SMCHD1: variants seen among roughly 807,000 people sequenced by gnomAD.
SMCHD1 encodes the protein structural maintenance of chromosomes flexible hinge domain containing 1, also known as structural maintenance of chromosomes flexible hinge domain-containing protein 1.
In SMCHD1, 78 loss-of-function variants were observed where a neutral mutation model predicts 254.7. The ratio of observed to expected loss-of-function variants is 0.31; its 90% CI spans 0.26 to 0.37. The LOEUF is 0.37. SMCHD1 is among the 10% of genes least tolerant of loss of function. SMCHD1 has a pLI of 1.00. For missense variants in SMCHD1, 1,840 were observed against 2,408.1 expected (o/e 0.76, Z 4.94); for synonymous variants, 766 against 794.9 (o/e 0.96, Z 0.61).
intron 10 of SMCHD1, among the ~76,000 whole-genome samples, chr18:2,699,473 G>T (rs962443065): frequency 7.2e-5 from 11 of 152,084 alleles, no homozygotes; most frequent in Admixed American, 7.2e-4. Flanking sequence ...CTGAGTAACT[G>T]GGACTACAGG....
chr18:2,725,857 T>C (rs984715918), intron 21 of SMCHD1, among the ~76,000 whole-genome samples: 1 of 151,928 alleles, frequency 6.6e-6, no homozygotes, highest in Non-Finnish European at 1.5e-5. Flanking sequence ...GAAATAACTT[T>C]AGAGGAAATT....
At chr18:2,663,236 G>A (rs9948776) in intron 1 of SMCHD1, among the ~76,000 whole-genome samples, 30,810 of 151,634 alleles carry the variant, frequency 0.2, 3,346 homozygotes, top group South Asian at 0.33. Context: ...CTCTTGAGTG[G>A]TTGTGACTAC....
chr18:2,708,657 A>G (rs1209679610), intron 17 of SMCHD1, among the ~76,000 whole-genome samples: 1 of 148,750 alleles, frequency 6.7e-6, no homozygotes, highest in Non-Finnish European at 1.5e-5. Context: ...CTTGTTGCCC[A>G]GGCTGGAATA....
At chr18:2,728,369 CTT>C (rs1355075912) in intron 22 of SMCHD1, 86 bp from the exon 23 acceptor site, 1 of 1,268,982 alleles carries the variant, frequency 7.9e-7, no homozygotes, top group African/African-American at 1.5e-5. Flanking sequence ...AATATTAAGT[CTT>C]TAATGTTAAA....
intron 32 of SMCHD1, 121 bp downstream of exon 32, chr18:2,750,628 G>T (rs2075553700): frequency 1.4e-6 from 1 of 712,268 alleles, no homozygotes; most frequent in East Asian, 3.0e-5. Context: ...GGAAGCAAAT[G>T]ATTTCAATAT....
chr18:2,702,975 T>A (rs542528215), intron 12 of SMCHD1, among the ~76,000 whole-genome samples: 1 of 152,224 alleles, frequency 6.6e-6, no homozygotes, highest in Non-Finnish European at 1.5e-5. Context: ...CACCTTATGC[T>A]TGAATACAGA....
intron 1 of SMCHD1, 73 bp from the exon 2 acceptor site, chr18:2,666,084 A>G: frequency 1.4e-6 from 1 of 700,096 alleles, no homozygotes; most frequent in Non-Finnish European, 2.4e-6. Context: ...CAATATTTTC[A>G]TATTTTTATA....
intron 37 of SMCHD1, among the ~76,000 whole-genome samples, chr18:2,766,364 C>T (rs2075868894): frequency 6.6e-6 from 1 of 152,232 alleles, no homozygotes; most frequent in African/African-American, 2.4e-5. Flanking sequence ...TCCTGAGATT[C>T]AGACAAGAGA....
At chr18:2,728,699 A>G (rs1190593211) in intron 23 of SMCHD1, 103 bp downstream of exon 23, 21 of 1,222,306 alleles carry the variant, frequency 1.7e-5, no homozygotes, top group Admixed American at 2.8e-5. Context: ...TAAGTCTGAA[A>G]CGATTATTCC....
chr18:2,696,234 A>T (rs2074282470), intron 8 of SMCHD1, among the ~76,000 whole-genome samples: 1 of 152,042 alleles, frequency 6.6e-6, no homozygotes. Context: ...GCTATAGGAG[A>T]GGAGAGATGA....
At chr18:2,661,898 T>C (rs1285216140) in intron 1 of SMCHD1, among the ~76,000 whole-genome samples, 2 of 151,822 alleles carry the variant, frequency 1.3e-5, no homozygotes, top group African/African-American at 4.8e-5. Flanking sequence ...GGCTCACGCC[T>C]GTAATCCCAG....
At chr18:2,686,132 C>G (rs1045386883) in intron 5 of SMCHD1, among the ~76,000 whole-genome samples, 1 of 152,084 alleles carries the variant, frequency 6.6e-6, no homozygotes, top group Non-Finnish European at 1.5e-5. Flanking sequence ...CTCTCTTCCC[C>G]CCAAACCCCA....
chr18:2,730,574 A>G (rs1233929938), intron 24 of SMCHD1, among the ~76,000 whole-genome samples: 1 of 152,204 alleles, frequency 6.6e-6, no homozygotes, highest in African/African-American at 2.4e-5. Flanking sequence ...AAACAATCTA[A>G]GGTTGTGGAG....
At chr18:2,737,928 A>G (rs2075280370) in intron 25 of SMCHD1, among the ~76,000 whole-genome samples, 1 of 152,228 alleles carries the variant, frequency 6.6e-6, no homozygotes, top group Admixed American at 6.5e-5. Context: ...AAAACACCTA[A>G]GAAGAGATTA....
At chr18:2,795,695 T>A (rs553292804) in intron 45 of SMCHD1, among the ~76,000 whole-genome samples, 1 of 152,324 alleles carries the variant, frequency 6.6e-6, no homozygotes, top group East Asian at 1.9e-4. Context: ...AACAGAGCAC[T>A]TTTATATAGA....
At chr18:2,762,018 G>C (rs1159516857) in intron 35 of SMCHD1, 87 bp from the exon 36 acceptor site, 1 of 998,628 alleles carries the variant, frequency 1.0e-6, no homozygotes. Flanking sequence ...ATTTTATTTA[G>C]TATGTGCCAT....
intron 10 of SMCHD1, among the ~76,000 whole-genome samples, chr18:2,700,147 C>T (rs2074369359): frequency 6.6e-6 from 1 of 152,196 alleles, no homozygotes; most frequent in South Asian, 2.1e-4. Context: ...ATAGATTTCT[C>T]AGATGACTTT....
Position 2,703,903 on chromosome 18 carries a change from G to A in SMCHD1, c.1842+17G>A. On this transcript the variant is annotated intron_variant, in intron 13 of 47. Transcript: ENST00000320876. ...GGACAGCTGGTAGGTTTAACTTATT[G>A]TCACTTTTTTCTTATAATTTTTAAT... 7.3e-6 allele frequency: 11 copies of A among 1,515,380 alleles called. No individual in the cohort carries two copies. The highest frequency in any genetic ancestry group is 9.7e-6 in the Non-Finnish European group (11 of 1,130,476). 93.9% of individuals were successfully genotyped at this position (1,515,380 alleles called of 1,614,324 possible).
intron 1 of SMCHD1, among the ~76,000 whole-genome samples, chr18:2,662,186 AAT>A (rs1360574239): frequency 7.4e-5 from 6 of 81,572 alleles, no homozygotes; most frequent in Admixed American, 3.3e-4. Context: ...AAATAAAATA[AAT>A]AAATAAATAA....
Sources: gnomAD v4.1 joint callset for allele counts (sites outside exome capture counted in the v4.1 genomes callset) on GRCh38, gnomAD v4.1.1 for gene constraint, MANE v1.5 for transcripts, NCBI Gene and HGNC (gene_info 2026-07-23, HGNC 2026-07-21) for gene names.